GALNT13: variants seen among roughly 807,000 people sequenced by gnomAD.
GALNT13 encodes the protein UDP-GalNAc:polypeptide N-acetylgalactosaminyltransferase 13.
Under a neutral mutation model 64.2 loss-of-function variants are expected in GALNT13, and 28 were observed. The observed-to-expected ratio is 0.44, with a 90% CI of 0.32 to 0.60. The LOEUF (loss-of-function observed/expected upper bound fraction) is 0.60, where lower values mean the gene tolerates loss of function less well. Ranked by LOEUF, GALNT13 falls within the 20% of genes least tolerant of loss-of-function variation. The pLI is 0.05. For missense variants in GALNT13, 577 were observed against 669.8 expected (o/e 0.86, Z 1.53); for synonymous variants, 214 against 224.6 (o/e 0.95, Z 0.42).
Position 154,321,979 on chromosome 2 carries a change from G to A in GALNT13, c.1156+20390G>A, listed in dbSNP as rs532391160. 8.2e-4 allele frequency among the ~76,000 whole-genome samples: 125 copies of A among 151,910 alleles called. 2 individuals carry two copies. The South Asian group carries it at 0.025, about 30-fold the overall frequency. On this transcript the variant is annotated intron_variant, in intron 9 of 12. Transcript: ENST00000392825. ...ATAAAGTCTGTGAAATTATTCCTAG[G>A]TATATACATATTTGCCCAACTTGAT... is the stretch of plus-strand genomic sequence containing the variant.
the GALNT13 span, among the ~76,000 whole-genome samples, chr2:153,084,581 C>G: frequency 6.6e-6 from 1 of 152,034 alleles, no homozygotes; most frequent in Non-Finnish European, 1.5e-5. Flanking sequence ...GGGCTGTTTC[C>G]CCCATATTCT....
At chr2:154,342,559 TATATC>T (rs1202010646) in intron 9 of GALNT13, among the ~76,000 whole-genome samples, 2 of 110,470 alleles carry the variant, frequency 1.8e-5, no homozygotes, top group African/African-American at 5.2e-5. Context: ...TTAAGTATAT[TATATC>T]AAAATTCTAT....
the GALNT13 span, among the ~76,000 whole-genome samples, chr2:153,532,173 G>C: frequency 6.6e-6 from 1 of 152,072 alleles, no homozygotes; most frequent in Non-Finnish European, 1.5e-5. Flanking sequence ...TCCTGCAGCA[G>C]GCTTCTGCAT....
At chr2:153,864,823 T>C in the GALNT13 span, among the ~76,000 whole-genome samples, 13 of 149,006 alleles carry the variant, frequency 8.7e-5, no homozygotes, top group South Asian at 2.4e-3. Flanking sequence ...AAAGTTCATA[T>C]GGAACCAAAA....
the GALNT13 span, among the ~76,000 whole-genome samples, chr2:153,416,840 A>T: frequency 1.3e-5 from 2 of 152,194 alleles, no homozygotes; most frequent in Non-Finnish European, 2.9e-5. Context: ...GACAATTAAC[A>T]ATTAAAATAC....
At chr2:153,533,620 G>A in the GALNT13 span, among the ~76,000 whole-genome samples, 59 of 148,274 alleles carry the variant, frequency 4.0e-4, no homozygotes, top group African/African-American at 1.4e-3. Flanking sequence ...ATTATCAGTC[G>A]TTGTTTTGAT....
At chr2:154,411,733 T>A (rs933069287) in intron 11 of GALNT13, among the ~76,000 whole-genome samples, 9 of 151,752 alleles carry the variant, frequency 5.9e-5, no homozygotes, top group African/African-American at 2.2e-4. Context: ...TACCGCACAT[T>A]TTTCTGCATA....
intron 11 of GALNT13, among the ~76,000 whole-genome samples, chr2:154,431,219 A>G (rs567667119): frequency 6.6e-6 from 1 of 152,288 alleles, no homozygotes; most frequent in African/African-American, 2.4e-5. Flanking sequence ...AATTCCTGAG[A>G]TCTTTGCAGA....
chr2:153,962,898 A>C (rs1033825156), intron 3 of GALNT13, among the ~76,000 whole-genome samples: 3 of 152,198 alleles, frequency 2.0e-5, no homozygotes, highest in Non-Finnish European at 2.9e-5. Flanking sequence ...TGTACTACTC[A>C]GCATAAGTGT....
Position 154,154,934 on chromosome 2 carries a change from T to TTGTGTGTG in GALNT13, c.311+14455_311+14462dup, listed in dbSNP as rs60456139. 2.0e-3 allele frequency among the ~76,000 whole-genome samples: 306 copies of TTGTGTGTG among 149,416 alleles called. 1 individual carries two copies. Among genetic ancestry groups the TTGTGTGTG allele is most frequent in the African/African-American group, 6.3e-3 (257 of 40,680 alleles). The stretch of plus-strand genomic sequence containing the variant: ...TTGTGGTTTTGCTGATTGTTTATGT[T>TTGTGTGTG]TGTGTGTGTGTGTGTGTGTGTGTGT... On this transcript the variant is annotated intron_variant, in intron 4 of 12. Transcript: ENST00000392825.
the GALNT13 span, among the ~76,000 whole-genome samples, chr2:153,651,739 G>A: frequency 6.6e-6 from 1 of 152,146 alleles, no homozygotes; most frequent in Non-Finnish European, 1.5e-5. Flanking sequence ...AAATGGTGAT[G>A]TGTTAGGAAT....
intron 3 of GALNT13, among the ~76,000 whole-genome samples, chr2:154,097,332 A>G (rs1702125591): frequency 6.6e-6 from 1 of 152,072 alleles, no homozygotes. Flanking sequence ...TATGCTAAAT[A>G]TCAGAAATGC....
At chr2:153,465,342 A>G in the GALNT13 span, among the ~76,000 whole-genome samples, 1 of 152,030 alleles carries the variant, frequency 6.6e-6, no homozygotes, top group African/African-American at 2.4e-5. Context: ...AGTTCTGTGC[A>G]GATTCTGAAA....
chr2:153,687,769 C>T, the GALNT13 span, among the ~76,000 whole-genome samples: 13 of 151,950 alleles, frequency 8.6e-5, no homozygotes, highest in South Asian at 2.1e-4. Flanking sequence ...CCTATATTGA[C>T]GAAGCCTTCT....
At chr2:153,895,653 C>A (rs1379035872) in intron 1 of GALNT13, among the ~76,000 whole-genome samples, 1 of 151,954 alleles carries the variant, frequency 6.6e-6, no homozygotes, top group African/African-American at 2.4e-5. Flanking sequence ...TAAAATATAA[C>A]CTGATTTGGA....
the GALNT13 span, among the ~76,000 whole-genome samples, chr2:153,377,178 G>C: frequency 3.9e-5 from 6 of 152,136 alleles, no homozygotes; most frequent in Non-Finnish European, 7.4e-5. Context: ...GGGAGAGGCA[G>C]CAAGAGGATG....
At chr2:154,300,449 T>C (rs1270264467) in intron 8 of GALNT13, among the ~76,000 whole-genome samples, 1 of 152,156 alleles carries the variant, frequency 6.6e-6, no homozygotes, top group East Asian at 1.9e-4. Flanking sequence ...GTAACTCTAC[T>C]TAAATCAGAT....
the GALNT13 span, among the ~76,000 whole-genome samples, chr2:153,344,158 T>C: frequency 6.6e-6 from 1 of 152,186 alleles, no homozygotes; most frequent in Non-Finnish European, 1.5e-5. Flanking sequence ...TTTTCCAACA[T>C]AATCATAATC....
chr2:153,515,575 C>T, the GALNT13 span, among the ~76,000 whole-genome samples: 2 of 152,144 alleles, frequency 1.3e-5, no homozygotes, highest in Non-Finnish European at 2.9e-5. Flanking sequence ...GTAGCCCGTG[C>T]CTTCTTAAAA....
Sources: allele counts gnomAD v4.1 joint callset (sites outside exome capture counted in the v4.1 genomes callset), GRCh38; gene constraint gnomAD v4.1.1; transcripts MANE v1.5; gene names NCBI Gene and HGNC (gene_info 2026-07-23, HGNC 2026-07-21).